CFAP46: variants seen among roughly 807,000 people sequenced by gnomAD.
CFAP46 encodes cilia and flagella associated protein 46.
A neutral mutation model predicts 325.7 loss-of-function variants in CFAP46; 245 were observed. The ratio of observed to expected loss-of-function variants is 0.75; its 90% CI spans 0.68 to 0.84. CFAP46 has a LOEUF of 0.84. Among genes scored for constraint, CFAP46 ranks in the 40% least tolerant of loss-of-function variants. The pLI, the probability that CFAP46 is intolerant of heterozygous loss-of-function variation, is 0.00. For missense variants in CFAP46, 3,346 were observed against 3,543.0 expected, an observed-to-expected ratio of 0.94 and a Z score of 1.41; for synonymous variants, 1,523 against 1,495.9, an observed-to-expected ratio of 1.02 and a Z score of -0.42.
intron 50 of CFAP46, among the ~76,000 whole-genome samples, chr10:132,822,148 ATGTGTGC>A (rs1379055012): frequency 2.7e-4 from 25 of 91,674 alleles, no homozygotes; most frequent in South Asian, 8.7e-4. Flanking sequence ...GTGTGTGCTG[ATGTGTGC>A]TGTGTGCTGT....
At chr10:132,849,081 C>T (rs889081580) in intron 41 of CFAP46, among the ~76,000 whole-genome samples, 7 of 152,208 alleles carry the variant, frequency 4.6e-5, no homozygotes, top group Non-Finnish European at 8.8e-5. Flanking sequence ...CTGCATGGGG[C>T]GGGGGCCGCG....
chr10:132,811,574 C>T (rs1372624818), intron 55 of CFAP46, among the ~76,000 whole-genome samples: 2 of 152,200 alleles, frequency 1.3e-5, no homozygotes, highest in Non-Finnish European at 2.9e-5. Flanking sequence ...AAGCAGGGAT[C>T]GGGGGCCAGG....
At chr10:132,900,591 G>A (rs574096693) in intron 22 of CFAP46, among the ~76,000 whole-genome samples, 1 of 152,394 alleles carries the variant, frequency 6.6e-6, no homozygotes, top group East Asian at 1.9e-4. Context: ...GTCAAAGGAG[G>A]AAGGCGCTGC....
intron 34 of CFAP46, 29 bp downstream of exon 34, chr10:132,867,346 G>A: frequency 6.5e-7 from 1 of 1,541,706 alleles, no homozygotes; most frequent in Non-Finnish European, 8.7e-7. Flanking sequence ...TGGGCTGCGG[G>A]TCAGAGGGAT....
At position 132,879,500 on chromosome 10, in the gene CFAP46, C is replaced by G; in HGVS notation, c.3931G>C (p.Val1311Leu). 6.5e-7 allele frequency: 1 copy of G among 1,547,180 alleles called. No individual in the cohort carries two copies. The highest frequency in any genetic ancestry group is 8.7e-7 in the Non-Finnish European group (1 of 1,145,856). The change falls in exon 29 of 58, where the codon GTG (valine) becomes CTG (leucine). Residue 1311 changes from valine to leucine, a missense_variant. Coordinates refer to ENST00000368586, the MANE Select transcript of CFAP46 (RefSeq NM_001200049.3). ...LARVHILLAL[V>L]LSPGAEGYED... is the part of the protein sequence containing the mutation. Reference sequence around the variant, plus strand: ...TAGCCCTCGGCGCCCGGCGACAGCACCAGGGCCAGCAGGATGTGCACGCGG... The same window carrying G: ...TAGCCCTCGGCGCCCGGCGACAGCAGCAGGGCCAGCAGGATGTGCACGCGG...
chr10:132,934,839 G>A lies in CFAP46; in HGVS notation c.779C>T (p.Pro260Leu). 6.2e-7 allele frequency: 1 copy of A among 1,608,108 alleles called. No individual in the cohort carries two copies. Among genetic ancestry groups the A allele is most frequent in the South Asian group, 1.1e-5 (1 of 90,884 alleles). ...LKAKAEQNDL[P>L]GDISVILRKA... ...CCTCAGAATGACACTGATGTCACCT[G>A]GTAAATCATTTTGCTCCGCTTTTCT... The change falls in exon 8 of 58, where the codon CCA (proline) becomes CTA (leucine). Residue 260 changes from proline to leucine, a missense_variant. Physicochemically the swap from Pro to Leu is moderately conservative, Grantham distance 98 (BLOSUM62 -3). Transcript: ENST00000368586.
intron 55 of CFAP46, among the ~76,000 whole-genome samples, chr10:132,811,480 G>A (rs1329081118): frequency 6.6e-6 from 1 of 152,212 alleles, no homozygotes; most frequent in East Asian, 1.9e-4. Context: ...TCCCTGTGTA[G>A]TGGAGACATG....
chr10:132,844,586 G>A (rs73391248), intron 44 of CFAP46, among the ~76,000 whole-genome samples: 10,511 of 152,156 alleles, frequency 0.069, 899 homozygotes, highest in African/African-American at 0.2. Flanking sequence ...GAAACAGGAG[G>A]GCCTGAGGAG....
intron 9 of CFAP46, 24 bp from the exon 10 acceptor site, chr10:132,926,690 A>G (rs894159752): frequency 3.4e-6 from 5 of 1,484,288 alleles, no homozygotes; most frequent in Non-Finnish European, 4.5e-6. Context: ...CAGTTTTTGA[A>G]AAGATGGAGA....
intron 44 of CFAP46, among the ~76,000 whole-genome samples, chr10:132,844,839 C>A (rs1292651846): frequency 6.6e-6 from 1 of 152,188 alleles, no homozygotes; most frequent in Non-Finnish European, 1.5e-5. Context: ...GTAAGTGCTG[C>A]CCGGGGCAGC....
intron 39 of CFAP46, among the ~76,000 whole-genome samples, chr10:132,854,430 C>A (rs181715094): frequency 6.6e-6 from 1 of 152,182 alleles, no homozygotes; most frequent in African/African-American, 2.4e-5. Flanking sequence ...TCTTCCCCCC[C>A]AGGTTCACGC....
intron 16 of CFAP46, among the ~76,000 whole-genome samples, chr10:132,917,883 GC>G (rs369763904): frequency 6.6e-6 from 1 of 151,086 alleles, no homozygotes; most frequent in African/African-American, 2.4e-5. Flanking sequence ...GCATTGATAA[GC>G]CCCAGTTCCA....
chr10:132,901,849 C>A (rs183296415), intron 22 of CFAP46, among the ~76,000 whole-genome samples: 8 of 152,112 alleles, frequency 5.3e-5, no homozygotes, highest in African/African-American at 1.9e-4. Context: ...CTATTGCTGG[C>A]GGATATAGAA....
intron 44 of CFAP46, among the ~76,000 whole-genome samples, chr10:132,844,640 C>A (rs1383475537): frequency 6.6e-6 from 1 of 152,100 alleles, no homozygotes; most frequent in African/African-American, 2.4e-5. Flanking sequence ...ACATGTCAAG[C>A]CCCAGGCCGC....
chr10:132,934,258 C>G (rs1273723638), intron 8 of CFAP46, among the ~76,000 whole-genome samples: 1 of 149,158 alleles, frequency 6.7e-6, no homozygotes, highest in Non-Finnish European at 1.5e-5. Flanking sequence ...ACAAACCCCC[C>G]CACCCACCCC....
intron 16 of CFAP46, among the ~76,000 whole-genome samples, chr10:132,917,851 T>C (rs1363816668): frequency 2.6e-5 from 4 of 152,028 alleles, no homozygotes; most frequent in Admixed American, 2.6e-4. Flanking sequence ...CCTCTGACGC[T>C]GTGGTGCAGG....
rs1849813502 is a variant in CFAP46, at chr10:132,926,470, T to A, written c.1065+98A>T. 11 of 877,594 alleles carry A rather than the reference T, an allele frequency of 1.3e-5. 1 individual carries two copies. In the South Asian group the frequency reaches 1.6e-4, roughly 13 times the overall value. The allele number at this position is 877,594 out of a possible 1,614,324, so 54.4% of individuals were successfully genotyped here. ...GTCTAGCAGTGGGGTCCAGGCCATG[T>A]CCCCAGCACCCTCAAGCCTGGGACA... is the stretch of plus-strand genomic sequence containing the variant. On this transcript the variant is annotated intron_variant, in intron 10 of 57. Coordinates refer to ENST00000368586, the MANE Select transcript of CFAP46 (RefSeq NM_001200049.3).
In CFAP46 at chr10:132,883,606, C is replaced by T. The variant is rs572142681; in HGVS notation, c.3627+1497G>A. 4.6e-5 allele frequency among the ~76,000 whole-genome samples: 7 copies of T among 152,362 alleles called. No individual in the cohort carries two copies. The East Asian group carries it at 1.4e-3, about 29-fold the overall frequency. On this transcript the variant is annotated intron_variant, in intron 27 of 57. Coordinates refer to ENST00000368586, the MANE Select transcript of CFAP46 (RefSeq NM_001200049.3). ...AGGGCGACCGTGTGCCCAGCAACTC[C>T]ACTGCTGGGCTGTGCCCCCGGGGGA...
intron 34 of CFAP46, 137 bp from the exon 35 acceptor site, chr10:132,866,308 G>A: frequency 1.0e-6 from 1 of 955,378 alleles, no homozygotes; most frequent in South Asian, 2.9e-5. Context: ...GCTGGCCTAG[G>A]CACCATGGGC....
Sources: allele counts gnomAD v4.1 joint callset (sites outside exome capture counted in the v4.1 genomes callset), GRCh38; gene constraint gnomAD v4.1.1; transcripts MANE v1.5; gene names NCBI Gene and HGNC (gene_info 2026-07-23, HGNC 2026-07-21).